CTXND1: variants seen among roughly 807,000 people sequenced by gnomAD.
The protein encoded by CTXND1 is cortexin domain containing 1, also known as cortexin domain-containing 1 protein.
chr15:80,248,074 C>G (rs1192502872), intron 1 of CTXND1, among the ~76,000 whole-genome samples: 1 of 152,236 alleles, frequency 6.6e-6, no homozygotes, highest in Non-Finnish European at 1.5e-5. Context: ...GGAGAGGATG[C>G]CCTCCCATGC....
chr15:80,212,264 A>G (rs1239449514), intron 1 of CTXND1, among the ~76,000 whole-genome samples: 1 of 152,146 alleles, frequency 6.6e-6, no homozygotes, highest in Non-Finnish European at 1.5e-5. Flanking sequence ...CTTCCCAAAT[A>G]AATCCTTGCA....
chr15:80,208,257 G>A (rs1233253207), intron 1 of CTXND1, among the ~76,000 whole-genome samples: 1 of 152,152 alleles, frequency 6.6e-6, no homozygotes, highest in Non-Finnish European at 1.5e-5. Context: ...ACACACGTGT[G>A]CACACACACA....
At chr15:80,249,657 G>C (rs1489242736) in intron 1 of CTXND1, among the ~76,000 whole-genome samples, 1 of 152,190 alleles carries the variant, frequency 6.6e-6, no homozygotes, top group Non-Finnish European at 1.5e-5. Flanking sequence ...GCAGAGCCAG[G>C]ACTAAACACT....
At chr15:80,213,757 A>C (rs1893224157) in intron 1 of CTXND1, among the ~76,000 whole-genome samples, 1 of 152,232 alleles carries the variant, frequency 6.6e-6, no homozygotes. Context: ...GAGGAGCAAC[A>C]TCTTTAGGAT....
At chr15:80,242,723 T>C (rs553090459) in intron 1 of CTXND1, among the ~76,000 whole-genome samples, 2 of 152,308 alleles carry the variant, frequency 1.3e-5, no homozygotes, top group Admixed American at 1.3e-4. Context: ...TTTCTGCTTT[T>C]GGAAGATTGG....
At chr15:80,224,584 A>G (rs983206991) in intron 1 of CTXND1, among the ~76,000 whole-genome samples, 1 of 152,234 alleles carries the variant, frequency 6.6e-6, no homozygotes, top group African/African-American at 2.4e-5. Flanking sequence ...CAATTTCCAC[A>G]AAACATAAGC....
intron 1 of CTXND1, among the ~76,000 whole-genome samples, chr15:80,238,480 A>G (rs1028643289): frequency 6.8e-6 from 1 of 147,206 alleles, no homozygotes; most frequent in African/African-American, 2.5e-5. Context: ...TTGCCCAACC[A>G]TGTTTGTTTT....
At chr15:80,220,770 T>C (rs1430106413) in intron 1 of CTXND1, among the ~76,000 whole-genome samples, 5 of 152,156 alleles carry the variant, frequency 3.3e-5, no homozygotes, top group Middle Eastern at 3.4e-3. Context: ...AGGTATTTTG[T>C]GGTTTATAGT....
chr15:80,220,481 T>G (rs1354909241), intron 1 of CTXND1, among the ~76,000 whole-genome samples: 2 of 152,240 alleles, frequency 1.3e-5, no homozygotes, highest in African/African-American at 2.4e-5. Context: ...TCTTGTTATA[T>G]GCTACTCCAA....
At chr15:80,241,108 A>G (rs552497292) in intron 1 of CTXND1, among the ~76,000 whole-genome samples, 1 of 152,328 alleles carries the variant, frequency 6.6e-6, no homozygotes, top group South Asian at 2.1e-4. Context: ...TCCCTGTGTT[A>G]TAAACAAAGA....
chr15:80,240,080 C>G (rs1455388294), intron 1 of CTXND1, among the ~76,000 whole-genome samples: 2 of 152,334 alleles, frequency 1.3e-5, no homozygotes, highest in African/African-American at 4.8e-5. Context: ...ATTCTCCTGC[C>G]TCAGCCTCCC....
intron 1 of CTXND1, among the ~76,000 whole-genome samples, chr15:80,243,727 T>G (rs1893596474): frequency 6.6e-6 from 1 of 152,184 alleles, no homozygotes; most frequent in South Asian, 2.1e-4. Context: ...AGTGTGCAGA[T>G]GTGGCTGTCT....
intron 1 of CTXND1, among the ~76,000 whole-genome samples, chr15:80,250,989 T>A (rs1488697303): frequency 6.6e-6 from 1 of 152,170 alleles, no homozygotes; most frequent in Non-Finnish European, 1.5e-5. Context: ...TAAGATTGTA[T>A]CACAGTGTTA....
intron 1 of CTXND1, among the ~76,000 whole-genome samples, chr15:80,250,839 C>T (rs956103235): frequency 1.3e-5 from 2 of 152,130 alleles, no homozygotes; most frequent in Non-Finnish European, 2.9e-5. Flanking sequence ...TTTGCAGGTT[C>T]GCAAAGACCA....
intron 1 of CTXND1, among the ~76,000 whole-genome samples, chr15:80,226,361 A>C (rs1327681199): frequency 6.6e-6 from 1 of 152,080 alleles, no homozygotes; most frequent in African/African-American, 2.4e-5. Flanking sequence ...GGAAATAAGG[A>C]AGTAATTCCA....
chr15:80,216,821 G>T (rs1226945672), intron 1 of CTXND1, among the ~76,000 whole-genome samples: 1 of 152,020 alleles, frequency 6.6e-6, no homozygotes, highest in East Asian at 1.9e-4. Flanking sequence ...CATCATATTG[G>T]TCAGGCTGGT....
At chr15:80,225,493 A>C (rs1464707724) in intron 1 of CTXND1, among the ~76,000 whole-genome samples, 1 of 152,162 alleles carries the variant, frequency 6.6e-6, no homozygotes, top group Non-Finnish European at 1.5e-5. Context: ...ACAGATAGCG[A>C]ATCTTATGGA....
In CTXND1 at chr15:80,199,619, G is replaced by C. The variant is rs1397429197; in HGVS notation, c.*2151C>G. ...GCTTTAGATCCTCCCCATCATACAG[G>C]GCCTTCCCTGCATCTTGGTTCACTG... On this transcript the variant is annotated 3_prime_UTR_variant, in exon 3 of 3. Transcript: ENST00000560778. 6.6e-6 allele frequency: 1 copy of C among 152,332 alleles called. No individual in the cohort carries two copies. The highest frequency in any genetic ancestry group is 2.4e-5 in the African/African-American group (1 of 41,438). The allele number at this position is 152,332 out of a possible 1,614,324, so 9.4% of individuals were successfully genotyped here.
intron 1 of CTXND1, among the ~76,000 whole-genome samples, chr15:80,246,551 C>T (rs561248428): frequency 6.6e-4 from 100 of 152,278 alleles, no homozygotes; most frequent in Non-Finnish European, 1.3e-3. Context: ...GTGTGAAACC[C>T]GTTGTGGGAG....
Sources: allele counts gnomAD v4.1 joint callset (sites outside exome capture counted in the v4.1 genomes callset), GRCh38; gene constraint gnomAD v4.1.1; transcripts MANE v1.5; gene names NCBI Gene and HGNC (gene_info 2026-07-23, HGNC 2026-07-21).